The following TAFA1 variants were observed in gnomAD, a reference collection of about 807,000 sequenced individuals.
The protein encoded by TAFA1 is chemokine-like protein TAFA-1.
TAFA1 carries 4 observed loss-of-function variants against 18.5 expected under a neutral mutation model. The observed-to-expected ratio is 0.22, with a 90% CI of 0.11 to 0.49. The LOEUF (loss-of-function observed/expected upper bound fraction) is 0.49. Among genes scored for constraint, TAFA1 ranks in the 20% least tolerant of loss-of-function variants. TAFA1 has a pLI of 0.98. For missense variants in TAFA1, 147 were observed against 169.0 expected (o/e 0.87, Z 0.72); for synonymous variants, 56 against 55.2 (o/e 1.01, Z -0.06).
chr3:68,300,539 T>A (rs1017902840), intron 2 of TAFA1, among the ~76,000 whole-genome samples: 17 of 152,170 alleles, frequency 1.1e-4, no homozygotes, highest in African/African-American at 4.1e-4. Flanking sequence ...TTTGGGTTAA[T>A]GCTGGAATGA....
At chr3:68,329,215 C>CATTTTT (rs1559619536) in intron 2 of TAFA1, among the ~76,000 whole-genome samples, 1 of 81,644 alleles carries the variant, frequency 1.2e-5, no homozygotes, top group African/African-American at 4.4e-5. Context: ...TGCCTGGCTG[C>CATTTTT]CTTTTTTTTT....
chr3:68,117,104 A>G (rs1197857485), intron 2 of TAFA1, among the ~76,000 whole-genome samples: 2 of 152,160 alleles, frequency 1.3e-5, no homozygotes, highest in Non-Finnish European at 2.9e-5. Context: ...TTTTGCGCAA[A>G]TAAGTTTCTT....
Position 68,265,818 on chromosome 3 carries a change from G to T in TAFA1, c.119-151462G>T, listed in dbSNP as rs1491731. Among the ~76,000 whole-genome samples the T allele has an allele frequency of 8.5e-3, 1,290 of 152,212 alleles. 18 individuals carry two copies. Among genetic ancestry groups the T allele is most frequent in the African/African-American group, 0.029 (1,190 of 41,548 alleles). ...TGGGCTGCAGGTGTAGCCCAGACAT[G>T]GCTAATTAAAATGCCAGGCCTTAGT... On this transcript the variant is annotated intron_variant, in intron 2 of 4. Transcript: ENST00000478136.
chr3:68,526,336 C>T lies in TAFA1; in HGVS notation c.260-12420C>T, dbSNP rs996515595. Among the ~76,000 whole-genome samples the T allele has an allele frequency of 5.9e-5, 9 of 152,218 alleles. 1 individual carries two copies. In the South Asian group the frequency reaches 1.9e-3, roughly 32 times the overall value. ...AGTGCTGGCATCTAAAATGTGTTCT[C>T]TATTTAAATTTTATTTATATCAATC... On this transcript the variant is annotated intron_variant, in intron 3 of 4. Coordinates refer to ENST00000478136, the MANE Select transcript of TAFA1 (RefSeq NM_213609.4).
At chr3:68,328,680 G>A (rs1263742004) in intron 2 of TAFA1, among the ~76,000 whole-genome samples, 1 of 152,040 alleles carries the variant, frequency 6.6e-6, no homozygotes, top group Non-Finnish European at 1.5e-5. Context: ...CTCTTTGCCT[G>A]AGTATCAACT....
rs528722121 is a variant in TAFA1, at chr3:68,544,755, C to T, written c.*252C>T. ...TGAAATTTTTGGGCATCATGAAGAA[C>T]GATCAACTATCTTCTAATTTGAATC... On this transcript the variant is annotated 3_prime_UTR_variant, in exon 5 of 5. Coordinates refer to ENST00000478136, the MANE Select transcript of TAFA1 (RefSeq NM_213609.4). The T allele has an allele frequency of 6.0e-5, 21 of 350,930 alleles. No homozygotes were observed. The highest frequency in any genetic ancestry group is 3.6e-4 in the East Asian group (7 of 19,684). 21.7% of individuals were successfully genotyped at this position (350,930 alleles called of 1,614,324 possible).
At position 68,041,352 on chromosome 3, in the gene TAFA1, A is replaced by G. The variant is rs115732112; in HGVS notation, c.118+34608A>G. On this transcript the variant is annotated intron_variant, in intron 2 of 4. Coordinates refer to ENST00000478136, the MANE Select transcript of TAFA1 (RefSeq NM_213609.4). ...TTTTGTACTCTCCAAGAGTTTATGC[A>G]TGGATTAAAGTTAGAGAACACACAT... 2.4e-3 allele frequency among the ~76,000 whole-genome samples: 372 copies of G among 152,364 alleles called. 1 individual carries two copies. The highest frequency in any genetic ancestry group is 4.6e-3 in the Non-Finnish European group (310 of 68,044).
chr3:68,302,619 C>T (rs7611742), intron 2 of TAFA1, among the ~76,000 whole-genome samples: 2 of 151,322 alleles, frequency 1.3e-5, no homozygotes, highest in Non-Finnish European at 2.9e-5. Flanking sequence ...TTGTCTTTTC[C>T]ATTGTTGTAT....
intron 2 of TAFA1, among the ~76,000 whole-genome samples, chr3:68,318,229 C>A (rs2068637458): frequency 6.6e-6 from 1 of 152,140 alleles, no homozygotes; most frequent in Admixed American, 6.5e-5. Context: ...CAAATTGTGC[C>A]CTTCTAATGG....
chr3:68,060,225 T>TG (rs1190204423), intron 2 of TAFA1, among the ~76,000 whole-genome samples: 2 of 152,118 alleles, frequency 1.3e-5, no homozygotes, highest in East Asian at 3.9e-4. Flanking sequence ...TGTGTGTGTC[T>TG]TTCAGAATCT....
intron 2 of TAFA1, among the ~76,000 whole-genome samples, chr3:68,280,786 G>A (rs1247359821): frequency 2.6e-5 from 4 of 152,044 alleles, no homozygotes; most frequent in Non-Finnish European, 5.9e-5. Context: ...TCCAGAAATA[G>A]GAATCACATG....
chr3:68,336,288 A>G (rs2068968346), intron 2 of TAFA1, among the ~76,000 whole-genome samples: 2 of 152,212 alleles, frequency 1.3e-5, no homozygotes, highest in South Asian at 4.1e-4. Context: ...GTATCTGAAA[A>G]TCTTAATTCT....
At chr3:68,382,621 A>G (rs908330283) in intron 2 of TAFA1, among the ~76,000 whole-genome samples, 2 of 151,898 alleles carry the variant, frequency 1.3e-5, no homozygotes, top group Non-Finnish European at 2.9e-5. Context: ...GCAGCCCTGT[A>G]TTATAGTTTG....
At chr3:68,280,140 T>C (rs923324231) in intron 2 of TAFA1, among the ~76,000 whole-genome samples, 1 of 152,242 alleles carries the variant, frequency 6.6e-6, no homozygotes, top group African/African-American at 2.4e-5. Context: ...AAGAAGCACT[T>C]GAGAAAACAG....
intron 3 of TAFA1, among the ~76,000 whole-genome samples, chr3:68,441,782 C>G (rs962367937): frequency 1.3e-5 from 2 of 152,122 alleles, no homozygotes; most frequent in African/African-American, 2.4e-5. Flanking sequence ...GAAGAGAAGA[C>G]TAGGGCCTGG....
At chr3:68,265,684 C>G (rs547217074) in intron 2 of TAFA1, among the ~76,000 whole-genome samples, 8 of 152,204 alleles carry the variant, frequency 5.3e-5, no homozygotes, top group Admixed American at 2.6e-4. Context: ...TTGGAAGGAG[C>G]CTGTCTTGCT....
At chr3:68,110,865 T>C (rs1367970480) in intron 2 of TAFA1, among the ~76,000 whole-genome samples, 5 of 151,894 alleles carry the variant, frequency 3.3e-5, no homozygotes, top group Non-Finnish European at 7.4e-5. Context: ...CATTGGTGGG[T>C]TCTATTATAA....
intron 2 of TAFA1, among the ~76,000 whole-genome samples, chr3:68,276,783 T>C (rs1043789225): frequency 9.9e-5 from 15 of 152,142 alleles, no homozygotes; most frequent in Non-Finnish European, 1.5e-4. Context: ...TTTTATGCTA[T>C]TTTTAAAATA....
At chr3:68,431,649 T>C (rs766600803) in intron 3 of TAFA1, among the ~76,000 whole-genome samples, 1 of 151,882 alleles carries the variant, frequency 6.6e-6, no homozygotes, top group Non-Finnish European at 1.5e-5. Context: ...AACAGACAAA[T>C]GGAAATTTGT....
Sources: allele counts gnomAD v4.1 joint callset (sites outside exome capture counted in the v4.1 genomes callset), GRCh38; gene constraint gnomAD v4.1.1; transcripts MANE v1.5; gene names NCBI Gene and HGNC (gene_info 2026-07-23, HGNC 2026-07-21).